MICAL2: variants seen among roughly 807,000 people sequenced by gnomAD.
MICAL2 encodes the protein microtubule associated monooxygenase, calponin and LIM domain containing 2, also known as [F-actin]-monooxygenase MICAL2.
In MICAL2, 77 loss-of-function variants were observed where a neutral mutation model predicts 127.3. That is an observed-to-expected ratio of 0.60 (90% CI 0.50 to 0.73). MICAL2 has a LOEUF of 0.73. MICAL2 is among the 30% of genes least tolerant of loss of function. The pLI is 0.00. For synonymous variants in MICAL2, 570 were observed against 551.1 expected (o/e 1.03, Z -0.48); for missense variants, 1,351 against 1,434.4 (o/e 0.94, Z 0.94).
intron 3 of MICAL2, among the ~76,000 whole-genome samples, chr11:12,190,833 A>T (rs937059172): frequency 6.6e-6 from 1 of 152,240 alleles, no homozygotes; most frequent in African/African-American, 2.4e-5. Context: ...CTTCAACTTC[A>T]ATGTCCTCAC....
At chr11:12,350,208 T>C (rs1939023148) in intron 33 of MICAL2, among the ~76,000 whole-genome samples, 2 of 152,232 alleles carry the variant, frequency 1.3e-5, no homozygotes, top group African/African-American at 4.8e-5. Context: ...TAAGGCATTT[T>C]CAATCCATCC....
At chr11:12,178,688 G>A (rs927387170) in intron 3 of MICAL2, among the ~76,000 whole-genome samples, 23 of 151,928 alleles carry the variant, frequency 1.5e-4, no homozygotes, top group Non-Finnish European at 3.2e-4. Context: ...AAACTAGATG[G>A]TAAATGTCTC....
chr11:12,292,409 C>A, downstream of MICAL2: 1 of 1,181,196 alleles, frequency 8.5e-7, no homozygotes, highest in Non-Finnish European at 1.2e-6. Flanking sequence ...AACCTAAGTG[C>A]AAAGCCAGCG....
At chr11:12,169,815 A>C (rs1198971674) in intron 3 of MICAL2, among the ~76,000 whole-genome samples, 1 of 152,244 alleles carries the variant, frequency 6.6e-6, no homozygotes, top group Non-Finnish European at 1.5e-5. Flanking sequence ...TGCTACATTT[A>C]AAAATTATAG....
At chr11:12,296,938 G>A (rs755594664), downstream of MICAL2, among the ~76,000 whole-genome samples, 2 of 151,436 alleles carry the variant, frequency 1.3e-5, no homozygotes, top group Non-Finnish European at 3.0e-5. Context: ...CATAATTGAT[G>A]TAGCCAGCCC....
chr11:12,262,298 C>T (rs1202598754), intron 26 of MICAL2, 182 bp from the exon 27 acceptor site: 19 of 1,442,458 alleles, frequency 1.3e-5, no homozygotes, highest in Non-Finnish European at 1.5e-5. Flanking sequence ...TGGTCACAAC[C>T]AGAAAGGTTC....
At chr11:12,180,921 C>CTTTTTTTTTTTTTTTTTT (rs56946936) in intron 3 of MICAL2, among the ~76,000 whole-genome samples, 1 of 82,474 alleles carries the variant, frequency 1.2e-5, no homozygotes, top group East Asian at 2.7e-4. Flanking sequence ...TATTTTCCTT[C>CTTTTTTTTTTTTTTTTTT]TTTTTTTTTT....
At chr11:12,295,144 CT>C (rs11317430), downstream of MICAL2, among the ~76,000 whole-genome samples, 134,079 of 137,388 alleles carry the variant, frequency 0.98, 65,415 homozygotes, top group South Asian at 0.99. Context: ...AATTTTGTAT[CT>C]TTTTTTTTTT....
intron 3 of MICAL2, among the ~76,000 whole-genome samples, chr11:12,202,766 C>T (rs555489842): frequency 6.6e-6 from 1 of 152,330 alleles, no homozygotes; most frequent in Admixed American, 6.5e-5. Context: ...AGCTCTGTAC[C>T]ATGTTTTTTT....
chr11:12,260,660 G>T, intron 26 of MICAL2: 1 of 986,262 alleles, frequency 1.0e-6, no homozygotes, highest in East Asian at 1.1e-4. Context: ...CTTGTCAGCA[G>T]CAGGATACTT....
At chr11:12,234,314 A>C (rs1427513433) in intron 15 of MICAL2, among the ~76,000 whole-genome samples, 2 of 151,742 alleles carry the variant, frequency 1.3e-5, no homozygotes, top group Non-Finnish European at 2.9e-5. Context: ...AAAAAAAAAA[A>C]CAACAGAAAA....
At chr11:12,197,113 G>A (rs1488360572) in intron 3 of MICAL2, among the ~76,000 whole-genome samples, 1 of 152,132 alleles carries the variant, frequency 6.6e-6, no homozygotes, top group Admixed American at 6.5e-5. Flanking sequence ...TGAGGTTTGG[G>A]AACATGAGCC....
intron 29 of MICAL2, among the ~76,000 whole-genome samples, chr11:12,302,423 G>A (rs1489256200): frequency 1.3e-5 from 2 of 152,178 alleles, no homozygotes; most frequent in African/African-American, 4.8e-5. Context: ...GCCAACACTT[G>A]ATAGTCTCAG....
chr11:12,245,673 C>T (rs910204748), intron 21 of MICAL2, among the ~76,000 whole-genome samples: 7 of 152,266 alleles, frequency 4.6e-5, no homozygotes, highest in Non-Finnish European at 7.3e-5. Context: ...GCTGTTTGAC[C>T]TTAAGCCTCC....
At chr11:12,161,427 C>T (rs575817586) in intron 2 of MICAL2, 17 of 152,384 alleles carry the variant, frequency 1.1e-4, no homozygotes, top group Admixed American at 4.6e-4. Flanking sequence ...GTCTGTCTGT[C>T]TGTGAGTCTG....
chr11:12,353,682 T>C (rs1179211638), intron 33 of MICAL2, among the ~76,000 whole-genome samples: 1 of 151,946 alleles, frequency 6.6e-6, no homozygotes, highest in Non-Finnish European at 1.5e-5. Flanking sequence ...CATCTAACCT[T>C]CCCTGAGGAC....
intron 29 of MICAL2, among the ~76,000 whole-genome samples, chr11:12,315,310 C>A (rs910972788): frequency 2.0e-5 from 3 of 152,138 alleles, no homozygotes; most frequent in African/African-American, 7.2e-5. Flanking sequence ...CTAATATAAA[C>A]AAGGTAAAGC....
upstream of MICAL2, among the ~76,000 whole-genome samples, chr11:12,273,147 GTCC>G (rs1863690551): frequency 1.3e-5 from 2 of 152,178 alleles, no homozygotes; most frequent in African/African-American, 4.8e-5. Context: ...ACTGATCCCC[GTCC>G]TCTGACAGAA....
intron 1 of MICAL2, among the ~76,000 whole-genome samples, chr11:12,114,727 T>C (rs1434657156): frequency 6.6e-6 from 1 of 152,174 alleles, no homozygotes; most frequent in African/African-American, 2.4e-5. Context: ...TGTGCTTAGA[T>C]AAGAGGTTTT....
Sources: allele counts gnomAD v4.1 joint callset (sites outside exome capture counted in the v4.1 genomes callset), GRCh38; gene constraint gnomAD v4.1.1; transcripts MANE v1.5; gene names NCBI Gene and HGNC (gene_info 2026-07-23, HGNC 2026-07-21).